TEAD2: variants seen among roughly 807,000 people sequenced by gnomAD.
TEAD2 encodes the protein transcriptional enhancer factor TEF-4.
Under a neutral mutation model 61.4 loss-of-function variants are expected in TEAD2, and 51 were observed. The ratio of observed to expected loss-of-function variants is 0.83; its 90% CI spans 0.66 to 1.05. The LOEUF is 1.05. TEAD2 is among the 50% of genes least tolerant of loss of function. The pLI, the probability that TEAD2 is intolerant of heterozygous loss-of-function variation, is 0.00. For missense variants in TEAD2, 509 were observed against 600.0 expected (o/e 0.85, Z 1.58); for synonymous variants, 244 against 243.2 (o/e 1.00, Z -0.03).
intron 10 of TEAD2, among the ~76,000 whole-genome samples, chr19:49,344,657 C>A (rs1483577054): frequency 6.6e-6 from 1 of 152,190 alleles, no homozygotes; most frequent in African/African-American, 2.4e-5. Context: ...ATGGCAGTTA[C>A]TTCTTAGCAA....
In TEAD2 at chr19:49,341,356, G is replaced by A; in HGVS notation, c.1324C>T (p.Gln442Ter). 1 of 1,614,022 alleles carries A rather than the reference G, an allele frequency of 6.2e-7. No homozygotes were observed. The highest frequency in any genetic ancestry group is 8.5e-7 in the Non-Finnish European group (1 of 1,179,962). Residue 442 changes from glutamine to a stop codon, truncating the protein, a stop_gained, in exon 13 of 13, where the codon CAG becomes TAG. Coordinates refer to ENST00000593945, the MANE Select transcript of TEAD2 (RefSeq NM_001256660.2). LOFTEE classifies it high-confidence loss of function. This position sits in a 1 kb window ranked among gnomAD's most constrained non-coding sequence, Gnocchi z 4.2. ...FEVSTSERGA[Q>*]HHIYRLVRD is the part of the protein sequence containing the mutation. ...CTGACCAGGCGGTAAATGTGATGCT[G>A]GGCCCCACGCTCGCTGGTGGAGACC...
At chr19:49,344,938 G>A (rs1198916544) in intron 10 of TEAD2, among the ~76,000 whole-genome samples, 2 of 152,158 alleles carry the variant, frequency 1.3e-5, no homozygotes, top group Non-Finnish European at 2.9e-5. Context: ...ACCTCCTTGC[G>A]AGGCGCACCT....
At chr19:49,361,053 G>GA in intron 1 of TEAD2, among the ~76,000 whole-genome samples, 1 of 118,088 alleles carries the variant, frequency 8.5e-6, no homozygotes, top group Admixed American at 8.1e-5. Flanking sequence ...AGACCAGAGA[G>GA]GGGGACAGAG....
At chr19:49,357,755 T>C (rs1972503677) in intron 3 of TEAD2, 1 of 214,340 alleles carries the variant, frequency 4.7e-6, no homozygotes, top group Admixed American at 5.0e-5. Context: ...TGAATGGCTT[T>C]GCACCATCTC....
At chr19:49,346,782 C>T (rs1365313133) in intron 10 of TEAD2, among the ~76,000 whole-genome samples, 1 of 152,228 alleles carries the variant, frequency 6.6e-6, no homozygotes, top group East Asian at 1.9e-4. Context: ...TGCAAAGCAT[C>T]AGTCCCCTCT....
chr19:49,345,361 TTTC>T (rs1971564693), intron 10 of TEAD2, among the ~76,000 whole-genome samples: 1 of 151,968 alleles, frequency 6.6e-6, no homozygotes, highest in South Asian at 2.1e-4. Context: ...CCTTTCTTCC[TTTC>T]TTTCTTTCGG....
intron 7 of TEAD2, among the ~76,000 whole-genome samples, chr19:49,353,155 G>A (rs1972133138): frequency 6.6e-6 from 1 of 150,592 alleles, no homozygotes; most frequent in Non-Finnish European, 1.5e-5. Flanking sequence ...CTGGAGTGCA[G>A]TGGCACAATC....
chr19:49,341,231 G>T lies in TEAD2; in HGVS notation c.*93C>A. On this transcript the variant is annotated 3_prime_UTR_variant, in exon 13 of 13. Transcript: ENST00000593945. The surrounding 1 kb of genome is among the most constrained non-coding windows in gnomAD (Gnocchi z 4.2). ...CTGAGGTCAACCCCTTTACATCACAGCCCTCTCCCCAAATAAGAAGCATGA... is the reference window on the plus strand; with the variant it reads ...CTGAGGTCAACCCCTTTACATCACATCCCTCTCCCCAAATAAGAAGCATGA... 1 of 1,117,554 alleles carries T rather than the reference G, an allele frequency of 8.9e-7. No individual in the cohort carries two copies. 69.2% of individuals were successfully genotyped at this position (1,117,554 alleles called of 1,614,324 possible). A position where few individuals can be genotyped will look rare whatever the true frequency, so the allele number is the denominator to read the frequency against.
At chr19:49,351,267 G>T in intron 8 of TEAD2, 34 bp downstream of exon 8, 2 of 1,595,286 alleles carry the variant, frequency 1.3e-6, no homozygotes, top group Non-Finnish European at 8.6e-7. Flanking sequence ...AGAGAGAGAG[G>T]GGAGACAAGG....
intron 9 of TEAD2, 99 bp from the exon 10 acceptor site, chr19:49,347,462 T>G: frequency 7.2e-7 from 1 of 1,390,070 alleles, no homozygotes; most frequent in Non-Finnish European, 9.9e-7. Context: ...CCCACAGCTC[T>G]GGCCAGCTGT....
intron 7 of TEAD2, among the ~76,000 whole-genome samples, 200 bp from the exon 8 acceptor site, chr19:49,351,565 A>G (rs1600740226): frequency 1.3e-5 from 2 of 152,316 alleles, no homozygotes; most frequent in Admixed American, 1.3e-4. Flanking sequence ...AGAGGGGTCA[A>G]CTGACCTGCC....
chr19:49,359,752 A>C lies in TEAD2; in HGVS notation c.232+92T>G. 1 of 1,329,598 alleles carries C rather than the reference A, an allele frequency of 7.5e-7. No homozygotes were observed. The highest frequency in any genetic ancestry group is 1.1e-6 in the Non-Finnish European group (1 of 947,316). The allele number at this position is 1,329,598 out of a possible 1,614,324, so 82.4% of individuals were successfully genotyped here. A position where few individuals can be genotyped will look rare whatever the true frequency, so the allele number is the denominator to read the frequency against. On this transcript the variant is annotated intron_variant, in intron 2 of 12. Transcript: ENST00000593945. This position sits in a 1 kb window ranked among gnomAD's most constrained non-coding sequence, Gnocchi z 4.1. ...AGTTTCCTCATCTGTGCAAATGGTG[A>C]TGCTAGCTCCTACTTCAGAGTGCTC...
At position 49,347,182 on chromosome 19, in the gene TEAD2, G is replaced by C. The variant is rs537896106; in HGVS notation, c.921+8C>G. On this transcript the variant is annotated splice_region_variant and intron_variant, in intron 10 of 12. Transcript: ENST00000593945. ...GTGAGCACTTTTGATTTTGCTGTGA[G>C]AACTCACCCAGAACTTGACCAGGAA... The C allele has an allele frequency of 6.2e-7, 1 of 1,612,360 alleles. No homozygotes were observed. The highest frequency in any genetic ancestry group is 1.3e-5 in the African/African-American group (1 of 74,992).
chr19:49,348,722 G>A lies in TEAD2; in HGVS notation c.728C>T (p.Pro243Leu), dbSNP rs199768067. 2.0e-5 allele frequency: 33 copies of A among 1,613,982 alleles called. No homozygotes were observed. In the Middle Eastern group the frequency reaches 4.9e-4, roughly 24 times the overall value. Residue 243 changes from proline (P) to leucine (L), a missense_variant, in exon 9 of 13, where the codon CCG becomes CTG. Pro to Leu is a moderately conservative substitution (Grantham distance 98). Coordinates refer to ENST00000593945, the MANE Select transcript of TEAD2 (RefSeq NM_001256660.2). ...ACTCACAGAATCAACTGCATCTGGC[G>A]GTTCCACGAAGGCTGAGAACTCTAC... The part of the protein sequence containing the change: ...QLVEFSAFVE[P>L]PDAVDSYQRH...
chr19:49,348,758 C>T lies in TEAD2; in HGVS notation c.692G>A (p.Arg231Gln), dbSNP rs780471079. The change falls in exon 9 of 13, where the codon CGG becomes CAG. Residue 231 changes from arginine (R) to glutamine (Q), a missense_variant. Transcript: ENST00000593945. The part of the protein sequence containing the change: ...AWQARGLGTA[R>Q]LQLVEFSAFV... ...GGCTGAGAACTCTACCAGCTGCAACCGGGCGGTGCCCAGGCCCCGAGCCTG... is the reference window on the plus strand; with the variant it reads ...GGCTGAGAACTCTACCAGCTGCAACTGGGCGGTGCCCAGGCCCCGAGCCTG... 61 of 1,611,114 alleles carry T rather than the reference C, an allele frequency of 3.8e-5. No homozygotes were observed. The highest frequency in any genetic ancestry group is 6.7e-5 in the East Asian group (3 of 44,718).
chr19:49,360,194 C>G, intron 1 of TEAD2, 113 bp from the exon 2 acceptor site: 1 of 794,714 alleles, frequency 1.3e-6, no homozygotes, highest in Non-Finnish European at 2.0e-6. Flanking sequence ...GGGCTGGGGA[C>G]CTGGACTCCT....
At chr19:49,348,613 A>G (rs138019387) in intron 9 of TEAD2, 90 bp downstream of exon 9, 11 of 1,197,462 alleles carry the variant, frequency 9.2e-6, no homozygotes, top group African/African-American at 9.0e-5. Flanking sequence ...GATACATGCT[A>G]AAGTTTTAAA....
intron 3 of TEAD2, among the ~76,000 whole-genome samples, chr19:49,358,751 G>C (rs1017088808): frequency 6.6e-6 from 1 of 150,858 alleles, no homozygotes; most frequent in Admixed American, 6.6e-5. Context: ...TCGTGCCTCA[G>C]CCTCCCGAGT....
At chr19:49,348,535 C>T (rs1213806201) in intron 9 of TEAD2, among the ~76,000 whole-genome samples, 168 bp downstream of exon 9, 2 of 152,178 alleles carry the variant, frequency 1.3e-5, no homozygotes, top group Non-Finnish European at 2.9e-5. Context: ...TGCAAATTCT[C>T]AAGCCCCACA....
Sources: allele counts gnomAD v4.1 joint callset (sites outside exome capture counted in the v4.1 genomes callset), GRCh38; gene constraint gnomAD v4.1.1; non-coding constraint Gnocchi (gnomAD v3.1); transcripts MANE v1.5; gene names NCBI Gene and HGNC (gene_info 2026-07-23, HGNC 2026-07-21).